TEX36: variants seen among roughly 807,000 people sequenced by gnomAD.
The protein encoded by TEX36 is testis-expressed protein 36.
In TEX36, 12 loss-of-function variants were observed where a neutral mutation model predicts 13.6. The ratio of observed to expected loss-of-function variants is 0.88; its 90% CI spans 0.56 to 1.43. The LOEUF is 1.43. Among genes scored for constraint, TEX36 ranks in the 40% most tolerant of loss-of-function variants. The pLI is 0.00. For missense variants in TEX36, 224 were observed against 228.3 expected (o/e 0.98, Z 0.12); for synonymous variants, 93 against 83.0 (o/e 1.12, Z -0.65).
At chr10:125,657,926 G>T (rs189238114) in intron 3 of TEX36, among the ~76,000 whole-genome samples, 30 of 152,262 alleles carry the variant, frequency 2.0e-4, no homozygotes, top group African/African-American at 7.0e-4. Flanking sequence ...ATTTGTACTT[G>T]AGGGCAAGTA....
downstream of TEX36, among the ~76,000 whole-genome samples, chr10:125,654,207 TAGA>T (rs1343420418): frequency 6.6e-6 from 1 of 152,114 alleles, no homozygotes; most frequent in Non-Finnish European, 1.5e-5. Context: ...TATTTATTAT[TAGA>T]AGTTTAGCCG....
At chr10:125,584,845 T>C (rs1408793714) in intron 3 of TEX36, among the ~76,000 whole-genome samples, 4 of 152,236 alleles carry the variant, frequency 2.6e-5, no homozygotes, top group Non-Finnish European at 5.9e-5. Flanking sequence ...TCATCCATCC[T>C]GTAGTATTTT....
At chr10:125,633,255 A>T (rs1251913566) in intron 3 of TEX36, among the ~76,000 whole-genome samples, 1 of 152,202 alleles carries the variant, frequency 6.6e-6, no homozygotes, top group African/African-American at 2.4e-5. Flanking sequence ...CTGATGAGAG[A>T]TGATTTTTTG....
At chr10:125,681,613 A>G (rs77278241) in intron 1 of TEX36, among the ~76,000 whole-genome samples, 10,077 of 152,292 alleles carry the variant, frequency 0.066, 507 homozygotes, top group South Asian at 0.16. Context: ...TTCTCTTTCT[A>G]AAGTATTTAT....
chr10:125,639,473 T>C (rs767935285), intron 3 of TEX36, among the ~76,000 whole-genome samples: 5 of 146,528 alleles, frequency 3.4e-5, no homozygotes, highest in Non-Finnish European at 7.4e-5. Flanking sequence ...GTTAGGGCTG[T>C]GATAAAAAAA....
intron 3 of TEX36, among the ~76,000 whole-genome samples, chr10:125,633,578 TC>T (rs1846586703): frequency 6.6e-6 from 1 of 152,192 alleles, no homozygotes; most frequent in Admixed American, 6.5e-5. Flanking sequence ...ATTGTGCACT[TC>T]CAGTCCCTCC....
At chr10:125,576,764 G>T in exon 4 of TEX36, 1 of 1,535,342 alleles carries the variant, frequency 6.5e-7, no homozygotes, top group African/African-American at 1.4e-5. Context: ...CTGCAAGGAG[G>T]GGTGCATTAG....
At chr10:125,654,178 A>G (rs1210624458), downstream of TEX36, among the ~76,000 whole-genome samples, 1 of 152,036 alleles carries the variant, frequency 6.6e-6, no homozygotes, top group East Asian at 1.9e-4. Flanking sequence ...CTTTCTTTTT[A>G]TTTTATAGAA....
At chr10:125,624,899 C>T (rs904060825) in intron 3 of TEX36, among the ~76,000 whole-genome samples, 1 of 152,066 alleles carries the variant, frequency 6.6e-6, no homozygotes, top group Admixed American at 6.5e-5. Flanking sequence ...GGCACAAAGG[C>T]GGGCACAGAT....
chr10:125,592,599 G>A (rs566594896), intron 3 of TEX36, among the ~76,000 whole-genome samples: 18 of 152,126 alleles, frequency 1.2e-4, no homozygotes, highest in African/African-American at 4.1e-4. Context: ...AAAAAATCCT[G>A]TCATTTCATT....
chr10:125,601,685 A>G (rs1443477514), intron 3 of TEX36, among the ~76,000 whole-genome samples: 6 of 152,194 alleles, frequency 3.9e-5, no homozygotes, highest in Admixed American at 3.3e-4. Context: ...CTGGGGATCC[A>G]GGGCCCCCAC....
chr10:125,640,973 C>A (rs1424991985), intron 3 of TEX36, among the ~76,000 whole-genome samples: 1 of 151,584 alleles, frequency 6.6e-6, no homozygotes, highest in Non-Finnish European at 1.5e-5. Flanking sequence ...CATCTCTCCC[C>A]CCTCCCCCGG....
intron 3 of TEX36, among the ~76,000 whole-genome samples, chr10:125,646,906 T>C (rs928780765): frequency 2.0e-5 from 3 of 152,200 alleles, no homozygotes; most frequent in African/African-American, 4.8e-5. Flanking sequence ...CTATAGGTAT[T>C]TGCAATTTAT....
At chr10:125,627,182 T>C (rs1846499568) in intron 3 of TEX36, among the ~76,000 whole-genome samples, 1 of 152,242 alleles carries the variant, frequency 6.6e-6, no homozygotes, top group Non-Finnish European at 1.5e-5. Context: ...TTTTCACTAA[T>C]CTGATTTTGG....
At chr10:125,639,820 T>A (rs898555995) in intron 3 of TEX36, among the ~76,000 whole-genome samples, 4 of 152,224 alleles carry the variant, frequency 2.6e-5, no homozygotes, top group Admixed American at 2.6e-4. Flanking sequence ...GGAGGAACAA[T>A]AAGATTTCTC....
chr10:125,681,135 T>G (rs999485742), intron 1 of TEX36, among the ~76,000 whole-genome samples: 1 of 152,212 alleles, frequency 6.6e-6, no homozygotes, highest in Admixed American at 6.5e-5. Context: ...TTTTGTCCTT[T>G]GACCTTCCTC....
intron 3 of TEX36, among the ~76,000 whole-genome samples, chr10:125,625,737 C>A (rs541156236): frequency 3.3e-5 from 5 of 152,242 alleles, no homozygotes; most frequent in Non-Finnish European, 7.3e-5. Flanking sequence ...TGCCAACACC[C>A]CAGAGGCGCA....
intron 3 of TEX36, among the ~76,000 whole-genome samples, chr10:125,639,911 C>T (rs1457135201): frequency 6.6e-6 from 1 of 152,196 alleles, no homozygotes; most frequent in Non-Finnish European, 1.5e-5. Flanking sequence ...ATATGCCACT[C>T]ATGGCCGATA....
intron 1 of TEX36, among the ~76,000 whole-genome samples, chr10:125,675,379 G>A (rs1343225572): frequency 6.6e-6 from 1 of 151,898 alleles, no homozygotes; most frequent in Non-Finnish European, 1.5e-5. Context: ...CCCCTCTCCT[G>A]GGGAGTTCAG....
Sources: gnomAD v4.1 joint callset for allele counts (sites outside exome capture counted in the v4.1 genomes callset) on GRCh38, gnomAD v4.1.1 for gene constraint, MANE v1.5 for transcripts, NCBI Gene and HGNC (gene_info 2026-07-23, HGNC 2026-07-21) for gene names.